Variants in STRN observed in about 807,000 individuals in gnomAD.
The protein encoded by STRN is protein phosphatase 2 regulatory subunit B'''alpha.
A neutral mutation model predicts 96.3 loss-of-function variants in STRN; 53 were observed. That is an observed-to-expected ratio of 0.55 (90% CI 0.44 to 0.69). The LOEUF is 0.69. Ranked by LOEUF, STRN falls within the 30% of genes least tolerant of loss-of-function variation. The pLI, the probability that STRN is intolerant of heterozygous loss-of-function variation, is 0.00. For synonymous variants in STRN, 428 were observed against 355.9 expected (o/e 1.20, Z -2.28); for missense variants, 987 against 963.9 (o/e 1.02, Z -0.32).
chr2:36,850,898 T>C (rs1374366823), intron 16 of STRN, 102 bp downstream of exon 16: 5 of 821,904 alleles, frequency 6.1e-6, no homozygotes, highest in Non-Finnish European at 9.4e-6. Context: ...CAGTGCCTAT[T>C]CCCTGACTAC....
rs757730358 is a variant in STRN, at chr2:36,855,223, T to C, written c.1967A>G (p.Asn656Ser). Residue 656 changes from asparagine (N) to serine (S), a missense_variant, in exon 15 of 18, where the codon AAT becomes AGT. Physicochemically the swap from Asn to Ser is conservative, Grantham distance 46. Transcript: ENST00000263918. Reference protein sequence around the residue: ...TQQRILTLESNVDTTANSSCQ... With the variant: ...TQQRILTLESSVDTTANSSCQ... ...ATTGGTATGCATACTTGTATCTACA[T>C]TGGATTCTAAAGTGAGAATGCGTTG... 7.4e-6 allele frequency: 12 copies of C among 1,613,520 alleles called. No homozygotes were observed. The highest frequency in any genetic ancestry group is 2.2e-5 in the East Asian group (1 of 44,866).
intron 3 of STRN, among the ~76,000 whole-genome samples, chr2:36,915,754 AC>A (rs1670080532): frequency 6.6e-6 from 1 of 152,214 alleles, no homozygotes; most frequent in African/African-American, 2.4e-5. Flanking sequence ...TTTGTACTGC[AC>A]ATCTGAAAGT....
intron 1 of STRN, among the ~76,000 whole-genome samples, chr2:36,927,440 C>A (rs1184090106): frequency 1.0e-4 from 15 of 149,324 alleles, no homozygotes; most frequent in Non-Finnish European, 1.6e-4. Flanking sequence ...GCCCAGGAGG[C>A]CAAGGCTGCA....
chr2:36,933,401 A>G (rs1378329158), intron 1 of STRN, among the ~76,000 whole-genome samples: 1 of 152,210 alleles, frequency 6.6e-6, no homozygotes, highest in Non-Finnish European at 1.5e-5. Flanking sequence ...ATAACTGTAT[A>G]TGTACATATA....
chr2:36,954,854 G>T (rs1399888867), intron 1 of STRN, among the ~76,000 whole-genome samples: 1 of 151,984 alleles, frequency 6.6e-6, no homozygotes, highest in Non-Finnish European at 1.5e-5. Flanking sequence ...AGCTGGGCTG[G>T]TCTCAAACTC....
At chr2:36,940,704 C>T (rs1003228532) in intron 1 of STRN, among the ~76,000 whole-genome samples, 2 of 151,500 alleles carry the variant, frequency 1.3e-5, no homozygotes, top group African/African-American at 4.8e-5. Flanking sequence ...GGCATGGTGG[C>T]GGGGCGCCTG....
intron 15 of STRN, among the ~76,000 whole-genome samples, chr2:36,851,681 G>A (rs868408721): frequency 2.2e-4 from 34 of 152,198 alleles, no homozygotes; most frequent in Middle Eastern, 3.4e-3. Context: ...AGCCACTAAC[G>A]CTGTTCATTC....
intron 1 of STRN, among the ~76,000 whole-genome samples, chr2:36,961,489 T>C (rs1305016038): frequency 1.3e-5 from 2 of 152,136 alleles, no homozygotes; most frequent in East Asian, 1.9e-4. Flanking sequence ...TTCTATCCTT[T>C]AGCACATCTT....
At position 36,839,995 on chromosome 2, in the gene STRN, T is replaced by A. The variant is rs1490283076; in HGVS notation, c.*9461A>T. Reference sequence around the variant, plus strand: ...TTAATAAACATTGGTACAATTACTATAAAATCTTCAAGACAAAAACCAGCC... The same window carrying A: ...TTAATAAACATTGGTACAATTACTAAAAAATCTTCAAGACAAAAACCAGCC... On this transcript the variant is annotated 3_prime_UTR_variant, in exon 18 of 18. Transcript: ENST00000263918. 6.6e-6 allele frequency: 1 copy of A among 152,136 alleles called. No individual in the cohort carries two copies. The highest frequency in any genetic ancestry group is 1.5e-5 in the Non-Finnish European group (1 of 68,022). 9.4% of individuals were successfully genotyped at this position (152,136 alleles called of 1,614,324 possible). A position where few individuals can be genotyped will look rare whatever the true frequency, so the allele number is the denominator to read the frequency against.
intron 7 of STRN, among the ~76,000 whole-genome samples, chr2:36,890,915 T>C (rs985757780): frequency 4.6e-5 from 7 of 152,164 alleles, no homozygotes; most frequent in African/African-American, 9.7e-5. Context: ...CTTCCTCTCA[T>C]AGGAAGCTCC....
chr2:36,886,622 AGAGT>A (rs1669235036), intron 8 of STRN, 90 bp downstream of exon 8: 5 of 953,318 alleles, frequency 5.2e-6, no homozygotes, highest in Non-Finnish European at 7.9e-6. Context: ...GAAATGAAAA[AGAGT>A]AAGTAGATTT....
rs889429099 is a variant in STRN, at chr2:36,966,416, C to T, written c.48G>A (p.Pro16=). The change falls in exon 1 of 18, where the codon CCG becomes CCA. Residue 16 remains proline, a synonymous_variant. Transcript: ENST00000263918. ...GPGVFFSNNH[P]GAGGAKGLGP... ...CGAGCCCCTTGGCACCGCCGGCGCCCGGGTGGTTGTTGCTGAAGAAGACGC... is the reference window on the plus strand; with the variant it reads ...CGAGCCCCTTGGCACCGCCGGCGCCTGGGTGGTTGTTGCTGAAGAAGACGC... 12 of 1,461,138 alleles carry T rather than the reference C, an allele frequency of 8.2e-6. No individual in the cohort carries two copies. The highest frequency in any genetic ancestry group is 4.4e-5 in the African/African-American group (3 of 67,830). 90.5% of individuals were successfully genotyped at this position (1,461,138 alleles called of 1,614,324 possible).
chr2:36,923,247 G>A (rs1270098351), intron 2 of STRN, among the ~76,000 whole-genome samples: 1 of 151,574 alleles, frequency 6.6e-6, no homozygotes, highest in Non-Finnish European at 1.5e-5. Flanking sequence ...TCAGTAGTTC[G>A]AGACCAGTCT....
chr2:36,912,183 G>C (rs998388220), intron 3 of STRN, among the ~76,000 whole-genome samples: 1 of 152,038 alleles, frequency 6.6e-6, no homozygotes, highest in Non-Finnish European at 1.5e-5. Context: ...CCTATTTCGA[G>C]TATCTCTACT....
At chr2:36,885,806 TCTCA>T (rs1406791586) in intron 8 of STRN, among the ~76,000 whole-genome samples, 2 of 152,136 alleles carry the variant, frequency 1.3e-5, no homozygotes, top group East Asian at 3.8e-4. Context: ...AAAATACATT[TCTCA>T]CTAAGTTAGA....
intron 2 of STRN, among the ~76,000 whole-genome samples, chr2:36,924,558 A>T (rs553461267): frequency 2.6e-5 from 4 of 152,266 alleles, no homozygotes; most frequent in Admixed American, 1.3e-4. Context: ...GCTTCTTCAA[A>T]ACAGGCAGAG....
Position 36,966,398 on chromosome 2 carries a change from C to T in STRN, c.66G>A (p.Lys22=). 1.4e-6 allele frequency: 2 copies of T among 1,459,594 alleles called. No homozygotes were observed. Among genetic ancestry groups the T allele is most frequent in the Non-Finnish European group, 1.8e-6 (2 of 1,107,074 alleles). 90.4% of individuals were successfully genotyped at this position (1,459,594 alleles called of 1,614,324 possible). ...CAGCCTCCGCCAGAGGCCCGAGCCC[C>T]TTGGCACCGCCGGCGCCCGGGTGGT... ...SNNHPGAGGA[K]GLGPLAEAAA... Residue 22 remains lysine (K), a synonymous_variant, in exon 1 of 18, where the codon AAG becomes AAA. Coordinates refer to ENST00000263918, the MANE Select transcript of STRN (RefSeq NM_003162.4).
chr2:36,854,064 T>G (rs1031208948), intron 15 of STRN, among the ~76,000 whole-genome samples: 2 of 121,922 alleles, frequency 1.6e-5, no homozygotes, highest in African/African-American at 5.6e-5. Context: ...TTTATCCATC[T>G]TATCTACCAG....
At chr2:36,944,126 A>C (rs921056368) in intron 1 of STRN, among the ~76,000 whole-genome samples, 3 of 149,486 alleles carry the variant, frequency 2.0e-5, no homozygotes, top group Admixed American at 6.6e-5. Flanking sequence ...ATCTCAAAAA[A>C]ACAAACAAAA....
Sources: allele counts gnomAD v4.1 joint callset (sites outside exome capture counted in the v4.1 genomes callset), GRCh38; gene constraint gnomAD v4.1.1; transcripts MANE v1.5; gene names NCBI Gene and HGNC (gene_info 2026-07-23, HGNC 2026-07-21).